HTT: variants seen among roughly 807,000 people sequenced by gnomAD.
The protein encoded by HTT is huntingtin, also known as huntington disease protein.
In HTT, 104 loss-of-function variants were observed where a neutral mutation model predicts 362.3. The observed-to-expected ratio is 0.29, with a 90% CI of 0.24 to 0.34. The LOEUF (loss-of-function observed/expected upper bound fraction) is 0.34, where lower values mean the gene tolerates loss of function less well. Among genes scored for constraint, HTT ranks in the 10% least tolerant of loss-of-function variants. The probability of loss-of-function intolerance (pLI) is 1.00; values close to 1 mark genes in which losing one functional copy is unlikely to be tolerated. For missense variants in HTT, 3,301 were observed against 3,928.6 expected (o/e 0.84, Z 4.27); for synonymous variants, 1,577 against 1,548.7 (o/e 1.02, Z -0.43).
intron 2 of HTT, among the ~76,000 whole-genome samples, chr4:3,094,141 A>G (rs1713686072): frequency 6.6e-6 from 1 of 151,810 alleles, no homozygotes; most frequent in Admixed American, 6.6e-5. Context: ...GCTGCCTTCA[A>G]GCATCTGTTT....
At chr4:3,159,791 A>G (rs1717349659) in intron 28 of HTT, among the ~76,000 whole-genome samples, 3 of 152,260 alleles carry the variant, frequency 2.0e-5, no homozygotes, top group Admixed American at 1.3e-4. Flanking sequence ...GAATTGCTGT[A>G]TAATTTAATT....
chr4:3,082,359 C>A (rs1447961866), intron 1 of HTT, among the ~76,000 whole-genome samples: 3 of 151,854 alleles, frequency 2.0e-5, no homozygotes, highest in Non-Finnish European at 4.4e-5. Context: ...GATAAACTAC[C>A]TTTGAATGGA....
Position 3,238,837 on chromosome 4 carries a change from G to A in HTT, c.9074G>A (p.Ser3025Asn). Residue 3025 changes from serine (S) to asparagine (N), a missense_variant, in exon 66 of 67, where the codon AGC (serine) becomes AAC (asparagine). Around this residue, in one of 4 missense-constraint regions of HTT, gnomAD observed 753 missense variants for 1,021.3 expected, o/e 0.74. Transcript: ENST00000355072. Reference protein sequence around the residue: ...VVYKVFQTLHSTGQSSMVRDW... With the variant: ...VVYKVFQTLHNTGQSSMVRDW... The stretch of plus-strand genomic sequence containing the variant: ...TTGCAGGTGTTTCAGACTCTGCACA[G>A]CACCGGGCAGTCGTCCATGGTCCGG... The A allele has an allele frequency of 1.2e-6, 2 of 1,608,032 alleles. No homozygotes were observed. The highest frequency in any genetic ancestry group is 1.7e-6 in the Non-Finnish European group (2 of 1,177,722).
intron 24 of HTT, among the ~76,000 whole-genome samples, chr4:3,146,495 G>T (rs994684862): frequency 2.0e-5 from 3 of 152,058 alleles, no homozygotes; most frequent in Admixed American, 2.0e-4. Flanking sequence ...CAAATGTCTG[G>T]GTAGCTGTCT....
At chr4:3,099,503 C>A in intron 3 of HTT, 109 bp downstream of exon 3, 5 of 1,462,768 alleles carry the variant, frequency 3.4e-6, no homozygotes, top group Non-Finnish European at 4.6e-6. Flanking sequence ...GATGTCTGCA[C>A]TTTTTTCCTT....
intron 15 of HTT, 70 bp from the exon 16 acceptor site, chr4:3,131,568 G>C (rs760107039): frequency 1.6e-5 from 25 of 1,591,076 alleles, no homozygotes; most frequent in Non-Finnish European, 2.1e-5. Context: ...AGGTTATTGG[G>C]TCTGGTTTTG....
intron 29 of HTT, among the ~76,000 whole-genome samples, chr4:3,166,179 A>G (rs917081916): frequency 4.6e-5 from 7 of 152,144 alleles, no homozygotes; most frequent in African/African-American, 1.7e-4. Context: ...CCTCAGCTGC[A>G]GGTCTGTTGG....
chr4:3,203,907 CT>C (rs1471945059), intron 41 of HTT, 99 bp from the exon 42 acceptor site: 19 of 1,138,066 alleles, frequency 1.7e-5, no homozygotes, highest in Non-Finnish European at 1.5e-5. Context: ...AACAACTTGT[CT>C]GTTTTAGAAC....
intron 10 of HTT, chr4:3,123,226 A>T (rs1378520508): frequency 3.4e-6 from 1 of 290,054 alleles, no homozygotes; most frequent in Middle Eastern, 9.9e-4. Context: ...TTGTAAAGGG[A>T]CAGAGTGTAA....
At chr4:3,236,355 G>A (rs2110303885) in intron 64 of HTT, 101 bp downstream of exon 64, 1 of 839,630 alleles carries the variant, frequency 1.2e-6, no homozygotes, top group Non-Finnish European at 2.0e-6. Flanking sequence ...CGCTGTTGCT[G>A]GAGTCCTGCC....
At chr4:3,231,296 C>T (rs1332752361) in intron 60 of HTT, among the ~76,000 whole-genome samples, 1 of 152,202 alleles carries the variant, frequency 6.6e-6, no homozygotes, top group Non-Finnish European at 1.5e-5. Flanking sequence ...TGGACGGGCT[C>T]CTGTGTGTCA....
At chr4:3,114,278 G>C (rs1419688007) in intron 6 of HTT, among the ~76,000 whole-genome samples, 1 of 152,206 alleles carries the variant, frequency 6.6e-6, no homozygotes, top group Non-Finnish European at 1.5e-5. Flanking sequence ...CCTCATTCCT[G>C]TCAACCCACA....
chr4:3,103,381 C>T (rs892488563), intron 3 of HTT, among the ~76,000 whole-genome samples: 1 of 151,680 alleles, frequency 6.6e-6, no homozygotes, highest in Non-Finnish European at 1.5e-5. Context: ...CCCACCACCA[C>T]ACCCGGCTAA....
intron 2 of HTT, among the ~76,000 whole-genome samples, chr4:3,094,715 C>T (rs1189862620): frequency 1.5e-5 from 2 of 135,026 alleles, no homozygotes; most frequent in Non-Finnish European, 3.1e-5. Context: ...CGGGGGCTGC[C>T]CCCCACCTCC....
chr4:3,078,591 A>T (rs192381099), intron 1 of HTT, among the ~76,000 whole-genome samples: 1 of 151,888 alleles, frequency 6.6e-6, no homozygotes, highest in Non-Finnish European at 1.5e-5. Context: ...TTTTTTTGAG[A>T]CAGTTCTTGC....
intron 53 of HTT, 64 bp from the exon 54 acceptor site, chr4:3,222,323 G>T: frequency 7.0e-7 from 1 of 1,421,332 alleles, no homozygotes; most frequent in South Asian, 1.2e-5. Context: ...CGGCGTAGCT[G>T]TCAGCTCTCC....
chr4:3,156,416 G>A (rs1024759563), intron 27 of HTT, among the ~76,000 whole-genome samples: 4 of 152,106 alleles, frequency 2.6e-5, no homozygotes, highest in Non-Finnish European at 5.9e-5. Context: ...CACTGCACCC[G>A]GCCTCAAGCG....
At chr4:3,080,405 CTCTT>C (rs1490300632) in intron 1 of HTT, among the ~76,000 whole-genome samples, 2 of 152,156 alleles carry the variant, frequency 1.3e-5, no homozygotes, top group African/African-American at 4.8e-5. Context: ...AGAACCCAGG[CTCTT>C]TCTTATACTT....
At chr4:3,216,821 C>G (rs555365844) in intron 51 of HTT, among the ~76,000 whole-genome samples, 4 of 151,922 alleles carry the variant, frequency 2.6e-5, no homozygotes, top group Non-Finnish European at 5.9e-5. Context: ...GTCAGGAGAT[C>G]GAGACCATCC....
Sources: allele counts gnomAD v4.1 joint callset (sites outside exome capture counted in the v4.1 genomes callset), GRCh38; gene constraint gnomAD v4.1.1; regional missense constraint gnomAD v4.1.1; transcripts MANE v1.5; gene names NCBI Gene and HGNC (gene_info 2026-07-23, HGNC 2026-07-21).